RELN: variants seen among roughly 807,000 people sequenced by gnomAD.
The protein encoded by RELN is reelin.
A neutral mutation model predicts 427.6 loss-of-function variants in RELN; 108 were observed. That is an observed-to-expected ratio of 0.25 (90% CI 0.22 to 0.30). RELN has a LOEUF of 0.30. Ranked by LOEUF, RELN falls within the 10% of genes least tolerant of loss-of-function variation. The pLI, the probability that RELN is intolerant of heterozygous loss-of-function variation, is 1.00. For synonymous variants in RELN, 1,524 were observed against 1,513.4 expected (o/e 1.01, Z -0.16); for missense variants, 3,715 against 4,302.8 (o/e 0.86, Z 3.82).
chr7:103,754,145 A>G (rs553204685), intron 4 of RELN, among the ~76,000 whole-genome samples: 1 of 152,248 alleles, frequency 6.6e-6, no homozygotes, highest in African/African-American at 2.4e-5. Flanking sequence ...CTATAAGTGT[A>G]AAGTACATAC....
chr7:103,486,411 C>A lies in RELN; in HGVS notation c.9769G>T (p.Asp3257Tyr). Residue 3257 changes from aspartate (D) to tyrosine (Y), a missense_variant, in exon 61 of 65, where the codon GAC becomes TAC. Coordinates refer to ENST00000428762, the MANE Select transcript of RELN (RefSeq NM_005045.4). ...AGGTCGTGACTGAAAACAGAGCAGT[C>A]ATCACCTAGAGGACAAGGAGCAGTC... ...CICDESFQGD[D>Y]CSVFSHDLPS... 6.2e-7 allele frequency: 1 copy of A among 1,613,424 alleles called. No individual in the cohort carries two copies. Among genetic ancestry groups the A allele is most frequent in the South Asian group, 1.1e-5 (1 of 90,998 alleles).
At chr7:103,811,270 T>C in intron 3 of RELN, among the ~76,000 whole-genome samples, 1 of 152,178 alleles carries the variant, frequency 6.6e-6, no homozygotes. Context: ...TGCCTGTATC[T>C]GAAAAATGGC....
At chr7:103,606,048 G>C (rs1831810877) in intron 22 of RELN, among the ~76,000 whole-genome samples, 1 of 152,144 alleles carries the variant, frequency 6.6e-6, no homozygotes. Flanking sequence ...TTTTAGAAAA[G>C]CCTACTATAA....
chr7:103,540,525 C>A, intron 43 of RELN, 70 bp from the exon 44 acceptor site: 1 of 1,479,060 alleles, frequency 6.8e-7, no homozygotes. Context: ...AACAGACAAG[C>A]ACATGGGGTA....
At chr7:103,979,500 A>G (rs1033934557) in intron 1 of RELN, among the ~76,000 whole-genome samples, 1 of 152,250 alleles carries the variant, frequency 6.6e-6, no homozygotes, top group Non-Finnish European at 1.5e-5. Flanking sequence ...AAATTAGCTC[A>G]ACAGAAAGTG....
At chr7:103,948,574 G>A (rs767741886) in intron 1 of RELN, among the ~76,000 whole-genome samples, 1 of 151,998 alleles carries the variant, frequency 6.6e-6, no homozygotes, top group African/African-American at 2.4e-5. Context: ...TCGGGAGGCT[G>A]AGGCAGGAGA....
At chr7:103,848,280 T>C (rs1304453560) in intron 2 of RELN, among the ~76,000 whole-genome samples, 1 of 152,226 alleles carries the variant, frequency 6.6e-6, no homozygotes, top group East Asian at 1.9e-4. Context: ...TATTCTTTAA[T>C]TCTGCAAATA....
At chr7:103,473,674 A>T (rs564019059) in intron 64 of RELN, among the ~76,000 whole-genome samples, 1 of 152,214 alleles carries the variant, frequency 6.6e-6, no homozygotes, top group African/African-American at 2.4e-5. Flanking sequence ...AAAATACTGA[A>T]GATGGATTTC....
At chr7:103,547,509 C>A (rs1224100030) in intron 41 of RELN, among the ~76,000 whole-genome samples, 1 of 152,142 alleles carries the variant, frequency 6.6e-6, no homozygotes, top group African/African-American at 2.4e-5. Context: ...GTTGGCCAGG[C>A]TGCTCTCAAA....
intron 7 of RELN, among the ~76,000 whole-genome samples, chr7:103,727,052 C>G (rs2115928785): frequency 6.6e-6 from 1 of 152,176 alleles, no homozygotes; most frequent in Admixed American, 6.5e-5. Flanking sequence ...GGTATTCAAG[C>G]ATCATAAAAT....
At chr7:103,854,670 A>T (rs1365872049) in intron 2 of RELN, among the ~76,000 whole-genome samples, 1 of 152,196 alleles carries the variant, frequency 6.6e-6, no homozygotes, top group Non-Finnish European at 1.5e-5. Flanking sequence ...GATACCAAGT[A>T]TAACAGTGAT....
At chr7:103,805,973 C>T (rs537041557) in intron 3 of RELN, among the ~76,000 whole-genome samples, 15 of 152,132 alleles carry the variant, frequency 9.9e-5, no homozygotes, top group African/African-American at 3.6e-4. Context: ...TGGAAGAAAA[C>T]ATGAATTTTG....
chr7:103,610,081 G>A (rs362643), intron 22 of RELN, among the ~76,000 whole-genome samples: 21,910 of 151,996 alleles, frequency 0.14, 1,801 homozygotes, highest in African/African-American at 0.22. Context: ...ACCAGAAATC[G>A]TTTAATTTTT....
At chr7:103,778,601 C>T (rs1791806079) in intron 3 of RELN, among the ~76,000 whole-genome samples, 1 of 152,194 alleles carries the variant, frequency 6.6e-6, no homozygotes, top group Non-Finnish European at 1.5e-5. Context: ...ATCAGATATA[C>T]CAACATCTGC....
Position 103,539,215 on chromosome 7 carries a change from C to T in RELN, c.7043G>A (p.Gly2348Asp), listed in dbSNP as rs1226611405. 6.2e-7 allele frequency: 1 copy of T among 1,614,240 alleles called. No homozygotes were observed. The change falls in exon 45 of 65, where the codon GGC (glycine) becomes GAC (aspartate). Residue 2348 changes from glycine to aspartate, a missense_variant. Gly to Asp is a moderately conservative substitution (Grantham distance 94). Transcript: ENST00000428762. ...GAAGACCAGGGCATCACCAGTAGAG[C>T]CACACACGGGCATCTTGGTGCCTCC... is the stretch of plus-strand genomic sequence containing the variant. ...HPGGTKMPVC[G>D]STGDALVFIE... is the part of the protein sequence containing the mutation.
chr7:103,788,445 G>A (rs1400868399), intron 3 of RELN, among the ~76,000 whole-genome samples: 3 of 152,100 alleles, frequency 2.0e-5, no homozygotes, highest in African/African-American at 7.2e-5. Context: ...AAACCCCATC[G>A]TCTCAGCCCA....
intron 46 of RELN, among the ~76,000 whole-genome samples, chr7:103,524,314 T>C (rs1334719513): frequency 1.3e-5 from 2 of 151,576 alleles, no homozygotes; most frequent in East Asian, 3.9e-4. Context: ...TGCTCCCTAA[T>C]TGGACAGAGA....
intron 14 of RELN, 119 bp from the exon 15 acceptor site, chr7:103,651,908 T>A: frequency 1.9e-6 from 2 of 1,043,120 alleles, no homozygotes; most frequent in Non-Finnish European, 1.4e-6. Context: ...TAAAATTTTT[T>A]AAAGATGCTG....
At chr7:103,852,375 C>A (rs1250086597) in intron 2 of RELN, among the ~76,000 whole-genome samples, 1 of 152,140 alleles carries the variant, frequency 6.6e-6, no homozygotes, top group East Asian at 1.9e-4. Flanking sequence ...GACAAATTAC[C>A]TGTGTTCACA....
Sources: allele counts gnomAD v4.1 joint callset (sites outside exome capture counted in the v4.1 genomes callset), GRCh38; gene constraint gnomAD v4.1.1; transcripts MANE v1.5; gene names NCBI Gene and HGNC (gene_info 2026-07-23, HGNC 2026-07-21).